DNAH14: variants seen among roughly 807,000 people sequenced by gnomAD.
The protein encoded by DNAH14 is dynein axonemal heavy chain 14, also known as axonemal beta dynein heavy chain 14.
A neutral mutation model predicts 520.9 loss-of-function variants in DNAH14; 478 were observed. The ratio of observed to expected loss-of-function variants is 0.92; its 90% CI spans 0.85 to 0.99. The LOEUF is 0.99. Among genes scored for constraint, DNAH14 ranks in the 50% least tolerant of loss-of-function variants. DNAH14 has a pLI of 0.00. For synonymous variants in DNAH14, 1,581 were observed against 1,757.2 expected (o/e 0.90, Z 2.51); for missense variants, 4,831 against 5,234.5 (o/e 0.92, Z 2.38).
intron 46 of DNAH14, among the ~76,000 whole-genome samples, chr1:225,263,004 GA>G (rs11314557): frequency 0.33 from 48,282 of 145,626 alleles, 8,964 homozygotes; most frequent in East Asian, 0.61. Flanking sequence ...TCTTCCTGAA[GA>G]AAAAAAAAAG....
At chr1:225,304,194 A>G (rs1192405116) in intron 57 of DNAH14, among the ~76,000 whole-genome samples, 1 of 152,168 alleles carries the variant, frequency 6.6e-6, no homozygotes, top group Non-Finnish European at 1.5e-5. Flanking sequence ...ACATTTTTGT[A>G]GCTTTATTTT....
intron 2 of DNAH14, among the ~76,000 whole-genome samples, chr1:224,953,538 A>G (rs983609335): frequency 2.6e-5 from 4 of 152,220 alleles, no homozygotes; most frequent in African/African-American, 9.6e-5. Flanking sequence ...CTTGACCTAC[A>G]ACTATAAAAA....
intron 36 of DNAH14, among the ~76,000 whole-genome samples, chr1:225,179,599 G>A (rs2083734853): frequency 2.6e-5 from 4 of 151,940 alleles, no homozygotes. Context: ...TATTATTTTT[G>A]ACATTTTTCT....
intron 81 of DNAH14, among the ~76,000 whole-genome samples, chr1:225,382,252 A>G (rs566483501): frequency 2.0e-4 from 31 of 152,328 alleles, no homozygotes; most frequent in African/African-American, 7.5e-4. Context: ...AAATACATAA[A>G]AACAAGCATT....
At chr1:225,322,952 C>T (rs1205692311) in intron 62 of DNAH14, 129 bp downstream of exon 62, 9 of 1,021,698 alleles carry the variant, frequency 8.8e-6, no homozygotes, top group Admixed American at 3.0e-5. Flanking sequence ...CTCTATTCTT[C>T]CAGGCAAGAG....
Position 225,042,924 on chromosome 1 carries a change from G to A in DNAH14, c.1578G>A (p.Glu526=), listed in dbSNP as rs913755401. ...EVNLCLRIPA[E]SDSSENSKEN... ...ATCTATGCTTGAGAATTCCTGCTGA[G>A]AGTGATTCTTCAGAAAATTCTAAAG... is the stretch of plus-strand genomic sequence containing the variant. Residue 526 remains glutamate (E), a synonymous_variant, in exon 13 of 86, where the codon GAG becomes GAA. Coordinates refer to ENST00000682510, the MANE Select transcript of DNAH14 (RefSeq NM_001367479.1). 6.4e-7 allele frequency: 1 copy of A among 1,551,588 alleles called. No individual in the cohort carries two copies. The highest frequency in any genetic ancestry group is 1.4e-5 in the African/African-American group (1 of 73,048).
At chr1:225,085,027 C>T (rs75058179) in intron 20 of DNAH14, among the ~76,000 whole-genome samples, 28 of 152,016 alleles carry the variant, frequency 1.8e-4, no homozygotes, top group African/African-American at 6.7e-4. Flanking sequence ...CTTTGGCAAG[C>T]ATATAAGAGA....
At chr1:225,128,810 T>A (rs1465946106) in intron 27 of DNAH14, among the ~76,000 whole-genome samples, 1 of 151,906 alleles carries the variant, frequency 6.6e-6, no homozygotes, top group Non-Finnish European at 1.5e-5. Context: ...TTGGAAGTTC[T>A]GGCCAGGGCA....
At chr1:225,139,651 CAG>C (rs2079252266) in intron 27 of DNAH14, among the ~76,000 whole-genome samples, 2 of 152,156 alleles carry the variant, frequency 1.3e-5, no homozygotes, top group Admixed American at 1.3e-4. Flanking sequence ...AAATAACAAA[CAG>C]TAATTAAAAA....
intron 8 of DNAH14, among the ~76,000 whole-genome samples, chr1:224,989,091 A>G (rs903625647): frequency 3.3e-5 from 5 of 152,224 alleles, no homozygotes; most frequent in Non-Finnish European, 7.3e-5. Flanking sequence ...AAATTACAAC[A>G]TGAATTTTAG....
intron 19 of DNAH14, 35 bp from the exon 20 acceptor site, chr1:225,082,514 A>G (rs2073261676): frequency 1.4e-6 from 2 of 1,382,844 alleles, no homozygotes; most frequent in East Asian, 2.7e-5. Flanking sequence ...TATAATGAAC[A>G]TATTATAAGC....
intron 19 of DNAH14, among the ~76,000 whole-genome samples, chr1:225,082,190 G>GTGTGTGTGTGTT (rs1162678183): frequency 2.0e-5 from 3 of 151,794 alleles, no homozygotes; most frequent in Non-Finnish European, 4.4e-5. Context: ...GTGTGTGTGT[G>GTGTGTGTGTGTT]TGTGTGTGCA....
rs1400708562 is a variant in DNAH14, at chr1:225,205,998, A to G, written c.6005A>G (p.Asp2002Gly). ...TTTGATTGGCAGTGGATTATCCTAG[A>G]TGGCCCAGTGGACACCTTTTGGGTA... Reference protein sequence around the residue: ...HNFDWQWIILDGPVDTFWVEN... With the variant: ...HNFDWQWIILGGPVDTFWVEN... Residue 2002 changes from aspartate to glycine, a missense_variant, in exon 40 of 86, where the codon GAT becomes GGT. Coordinates refer to ENST00000682510, the MANE Select transcript of DNAH14 (RefSeq NM_001367479.1). The G allele has an allele frequency of 1.9e-6, 3 of 1,551,606 alleles. No individual in the cohort carries two copies. Among genetic ancestry groups the G allele is most frequent in the Non-Finnish European group, 2.6e-6 (3 of 1,146,814 alleles).
chr1:225,008,311 A>G (rs1036639155), intron 10 of DNAH14, among the ~76,000 whole-genome samples: 2 of 152,100 alleles, frequency 1.3e-5, no homozygotes, highest in Non-Finnish European at 2.9e-5. Context: ...CATTTTCTTT[A>G]TCCAGTCTAA....
intron 84 of DNAH14, among the ~76,000 whole-genome samples, chr1:225,394,634 G>A (rs2185530): frequency 0.15 from 23,183 of 152,094 alleles, 2,313 homozygotes; most frequent in East Asian, 0.38. Context: ...CCTGAGATCA[G>A]GAGTTCCAGA....
In DNAH14 at chr1:225,360,749, A is replaced by C; in HGVS notation, c.11845A>C (p.Ile3949Leu). Residue 3949 changes from isoleucine (I) to leucine (L), a missense_variant, in exon 75 of 86, where the codon ATA (isoleucine) becomes CTA (leucine). Coordinates refer to ENST00000682510, the MANE Select transcript of DNAH14 (RefSeq NM_001367479.1). ...AAAAGGAACAACACATCATGTGACC[A>C]TAATTTCTCTGGGCCGTGACCAAGC... ...ELKGTTHHVT[I>L]ISLGRDQAAK... 1.3e-6 allele frequency: 2 copies of C among 1,551,732 alleles called. No homozygotes were observed. Among genetic ancestry groups the C allele is most frequent in the Non-Finnish European group, 1.7e-6 (2 of 1,146,994 alleles).
intron 8 of DNAH14, among the ~76,000 whole-genome samples, chr1:224,980,153 T>A (rs2062158642): frequency 6.6e-6 from 1 of 152,142 alleles, no homozygotes; most frequent in Non-Finnish European, 1.5e-5. Flanking sequence ...GGTACTATCT[T>A]GGCCACAGTG....
At chr1:224,974,177 A>C (rs1416889592) in intron 8 of DNAH14, 24 bp downstream of exon 8, 1 of 1,409,884 alleles carries the variant, frequency 7.1e-7, no homozygotes, top group Non-Finnish European at 9.4e-7. Flanking sequence ...CGCAATATAT[A>C]AAAATTTCAA....
rs536562857 is a variant in DNAH14, at chr1:225,159,588, A to G, written c.5445+103A>G. On this transcript the variant is annotated intron_variant, in intron 35 of 85. Transcript: ENST00000682510. ...TATTACAGTTCTTCCTAAATTCTTT[A>G]TTCATGTTATAATTGAGGGGATAAA... 8 of 1,220,306 alleles carry G rather than the reference A, an allele frequency of 6.6e-6. No individual in the cohort carries two copies. In the East Asian group the frequency reaches 1.3e-4, roughly 20 times the overall value. The allele number at this position is 1,220,306 out of a possible 1,614,324, so 75.6% of individuals were successfully genotyped here. A position where few individuals can be genotyped will look rare whatever the true frequency, so the allele number is the denominator to read the frequency against.
Sources: allele counts gnomAD v4.1 joint callset (sites outside exome capture counted in the v4.1 genomes callset), GRCh38; gene constraint gnomAD v4.1.1; transcripts MANE v1.5; gene names NCBI Gene and HGNC (gene_info 2026-07-23, HGNC 2026-07-21).